Variants in RORA observed in about 807,000 individuals in gnomAD.
RORA encodes the protein RAR related orphan receptor A, also known as nuclear receptor ROR-alpha.
Under a neutral mutation model 69.5 loss-of-function variants are expected in RORA, and 7 were observed. That is an observed-to-expected ratio of 0.10 (90% CI 0.06 to 0.19). The LOEUF (loss-of-function observed/expected upper bound fraction) is 0.19, where lower values mean the gene tolerates loss of function less well. Among genes scored for constraint, RORA ranks in the 10% least tolerant of loss-of-function variants. The pLI is 1.00. For synonymous variants in RORA, 261 were observed against 240.8 expected (o/e 1.08, Z -0.78); for missense variants, 457 against 663.0 (o/e 0.69, Z 3.41).
At chr15:60,907,727 C>A (rs752570894) in intron 1 of RORA, among the ~76,000 whole-genome samples, 3 of 152,118 alleles carry the variant, frequency 2.0e-5, no homozygotes, top group Non-Finnish European at 4.4e-5. Flanking sequence ...CTCAGAAATA[C>A]TCTGCCACTC....
At chr15:60,598,446 A>C (rs1422107204) in intron 2 of RORA, 1 of 152,122 alleles carries the variant, frequency 6.6e-6, no homozygotes, top group African/African-American at 2.4e-5. Context: ...TTTCCTCCTC[A>C]GCCTACTCAC....
intron 2 of RORA, among the ~76,000 whole-genome samples, chr15:60,653,736 C>A (rs2070181116): frequency 6.6e-6 from 1 of 152,116 alleles, no homozygotes; most frequent in Non-Finnish European, 1.5e-5. Flanking sequence ...AGCTCAGAGT[C>A]CGACTGTGTC....
chr15:60,542,600 G>A lies in RORA; in HGVS notation c.197-10749C>T, dbSNP rs545089987. 2.7e-3 allele frequency among the ~76,000 whole-genome samples: 259 copies of A among 96,682 alleles called. 3 individuals are homozygous for A. Among genetic ancestry groups the A allele is most frequent in the African/African-American group, 0.017 (223 of 12,884 alleles). The allele number at this position is 96,682 out of a possible 152,430, so 63.4% of individuals were successfully genotyped here. ...CATGCACACCTCACACACACGGCAC[G>A]CATGCACACCTCACACACGGCACAC... On this transcript the variant is annotated intron_variant, in intron 2 of 10. Transcript: ENST00000335670.
At chr15:61,066,560 G>A (rs1027218503) in intron 1 of RORA, among the ~76,000 whole-genome samples, 1 of 151,326 alleles carries the variant, frequency 6.6e-6, no homozygotes, top group Non-Finnish European at 1.5e-5. Flanking sequence ...CCGAGTAGCT[G>A]GGATTACAGG....
At chr15:60,871,678 T>C (rs1435126474) in intron 1 of RORA, among the ~76,000 whole-genome samples, 1 of 152,246 alleles carries the variant, frequency 6.6e-6, no homozygotes, top group Non-Finnish European at 1.5e-5. Flanking sequence ...GGCTCTCTCT[T>C]GTCCAGTCTA....
chr15:61,101,933 G>A (rs759920603), intron 1 of RORA, among the ~76,000 whole-genome samples: 20 of 152,096 alleles, frequency 1.3e-4, no homozygotes, highest in Non-Finnish European at 2.5e-4. Flanking sequence ...ATGTGTGCCT[G>A]GGTTTGTGTG....
rs1357492531 is a variant in RORA, at chr15:61,147,062, C to A, written c.166+81991G>T. 6.6e-6 allele frequency among the ~76,000 whole-genome samples: 1 copy of A among 152,028 alleles called. No homozygotes were observed. The highest frequency in any genetic ancestry group is 1.5e-5 in the Non-Finnish European group (1 of 67,998). ...TAAATGGATTCCATTTCCTCTGCCA[C>A]CTCTGAGTGCTTGGAGAGCACCAAG... On this transcript the variant is annotated intron_variant, in intron 1 of 10. Transcript: ENST00000335670. The surrounding 1 kb of genome is among the most constrained non-coding windows in gnomAD (Gnocchi z 4.1).
intron 1 of RORA, among the ~76,000 whole-genome samples, chr15:61,037,693 C>T (rs1470076284): frequency 1.3e-5 from 2 of 152,060 alleles, no homozygotes; most frequent in Non-Finnish European, 2.9e-5. Flanking sequence ...GAGGATAATA[C>T]AAAGAGCAAC....
At chr15:60,503,231 C>T (rs2065385441) in intron 7 of RORA, among the ~76,000 whole-genome samples, 1 of 152,196 alleles carries the variant, frequency 6.6e-6, no homozygotes, top group Non-Finnish European at 1.5e-5. Context: ...CTACTTTCTT[C>T]TTCCTAACAT....
intron 1 of RORA, among the ~76,000 whole-genome samples, chr15:61,111,520 A>AT (rs2079006227): frequency 6.6e-6 from 1 of 152,226 alleles, no homozygotes; most frequent in African/African-American, 2.4e-5. Flanking sequence ...TTATATACAT[A>AT]TAAGTATATA....
At chr15:60,844,761 A>G (rs970487314) in intron 1 of RORA, among the ~76,000 whole-genome samples, 3 of 152,200 alleles carry the variant, frequency 2.0e-5, no homozygotes, top group Non-Finnish European at 2.9e-5. Context: ...AGACAATTAC[A>G]AAAAAGGTGG....
At chr15:61,211,298 A>C (rs901304416) in intron 1 of RORA, among the ~76,000 whole-genome samples, 2 of 115,378 alleles carry the variant, frequency 1.7e-5, no homozygotes, top group Admixed American at 9.0e-5. Context: ...AAAAAAAAAA[A>C]AAAAAGGATC....
chr15:60,817,246 T>G (rs2072831387), intron 1 of RORA, among the ~76,000 whole-genome samples: 1 of 152,178 alleles, frequency 6.6e-6, no homozygotes, highest in Admixed American at 6.5e-5. Flanking sequence ...AGTCACACAA[T>G]TTTTTTGGTT....
At chr15:60,954,731 C>T (rs911590963) in intron 1 of RORA, among the ~76,000 whole-genome samples, 7 of 152,290 alleles carry the variant, frequency 4.6e-5, no homozygotes, top group Non-Finnish European at 7.4e-5. Context: ...AAAGTAATTA[C>T]AGTTTTTGCC....
chr15:60,772,509 A>G (rs2072093400), intron 1 of RORA, among the ~76,000 whole-genome samples: 1 of 152,212 alleles, frequency 6.6e-6, no homozygotes, highest in Non-Finnish European at 1.5e-5. Context: ...GCTGTTTTAA[A>G]TGTTTCTCTT....
intron 1 of RORA, among the ~76,000 whole-genome samples, chr15:61,008,673 C>G (rs1894995902): frequency 6.6e-6 from 1 of 151,996 alleles, no homozygotes; most frequent in Non-Finnish European, 1.5e-5. Context: ...AATTCTTTTC[C>G]TTTGTACACA....
intron 1 of RORA, among the ~76,000 whole-genome samples, chr15:60,925,121 TAAAATAAAATAA>T (rs1334694017): frequency 6.7e-6 from 1 of 150,270 alleles, no homozygotes; most frequent in Non-Finnish European, 1.5e-5. Context: ...TAAAATAAAA[TAAAATAAAATAA>T]AATAAAATAA....
intron 4 of RORA, among the ~76,000 whole-genome samples, chr15:60,513,522 C>T (rs1321964962): frequency 6.6e-6 from 1 of 152,210 alleles, no homozygotes; most frequent in Non-Finnish European, 1.5e-5. Context: ...AATGCACACA[C>T]AACTTGTGAT....
intron 2 of RORA, among the ~76,000 whole-genome samples, chr15:60,611,020 C>T (rs981216014): frequency 6.6e-5 from 10 of 151,966 alleles, no homozygotes; most frequent in African/African-American, 2.4e-4. Context: ...AGTCATGTCA[C>T]CTAAAGTGTA....
Sources: gnomAD v4.1 joint callset for allele counts (sites outside exome capture counted in the v4.1 genomes callset) on GRCh38, gnomAD v4.1.1 for gene constraint, Gnocchi (gnomAD v3.1) non-coding constraint, MANE v1.5 for transcripts, NCBI Gene and HGNC (gene_info 2026-07-23, HGNC 2026-07-21) for gene names.